PDE3B: variants seen among roughly 807,000 people sequenced by gnomAD.
PDE3B encodes phosphodiesterase 3B.
A neutral mutation model predicts 116.8 loss-of-function variants in PDE3B; 66 were observed. The ratio of observed to expected loss-of-function variants is 0.56; its 90% CI spans 0.46 to 0.69. PDE3B has a LOEUF of 0.69. PDE3B is among the 30% of genes least tolerant of loss of function. The pLI, the probability that PDE3B is intolerant of heterozygous loss-of-function variation, is 0.00. For missense variants in PDE3B, 1,384 were observed against 1,368.1 expected, an observed-to-expected ratio of 1.01 and a Z score of -0.18; for synonymous variants, 595 against 533.6, an observed-to-expected ratio of 1.12 and a Z score of -1.59.
chr11:14,830,456 T>C (rs1480078779), intron 7 of PDE3B, among the ~76,000 whole-genome samples: 1 of 152,108 alleles, frequency 6.6e-6, no homozygotes, highest in African/African-American at 2.4e-5. Context: ...AATATCCACT[T>C]AGCATCCATG....
intron 10 of PDE3B, 104 bp downstream of exon 10, chr11:14,832,937 T>G (rs1590180441): frequency 3.5e-6 from 2 of 577,742 alleles, no homozygotes; most frequent in Non-Finnish European, 6.2e-6. Flanking sequence ...TTAAAACTGC[T>G]TGTTTGAAAT....
At chr11:14,852,121 A>T (rs1847765528) in intron 12 of PDE3B, among the ~76,000 whole-genome samples, 1 of 152,118 alleles carries the variant, frequency 6.6e-6, no homozygotes, top group Non-Finnish European at 1.5e-5. Flanking sequence ...CAGTGACGTG[A>T]TCTTGGCCCA....
chr11:14,764,912 G>A (rs1590125587), intron 1 of PDE3B, among the ~76,000 whole-genome samples: 1 of 150,786 alleles, frequency 6.6e-6, no homozygotes, highest in East Asian at 2.0e-4. Flanking sequence ...TCTGAATAGG[G>A]TTATTTCTTT....
At chr11:14,670,279 C>T (rs1347780994) in intron 1 of PDE3B, among the ~76,000 whole-genome samples, 1 of 152,122 alleles carries the variant, frequency 6.6e-6, no homozygotes, top group Non-Finnish European at 1.5e-5. Flanking sequence ...TAGGTACAGT[C>T]ATAATAGTTT....
chr11:14,852,201 T>C (rs1847766853), intron 12 of PDE3B, among the ~76,000 whole-genome samples: 1 of 152,012 alleles, frequency 6.6e-6, no homozygotes, highest in African/African-American at 2.4e-5. Context: ...GGATTACAGG[T>C]GCCTGCCACC....
chr11:14,878,413 CTA>C, the PDE3B span: 1 of 990,570 alleles, frequency 1.0e-6, no homozygotes, highest in East Asian at 2.6e-5. Context: ...AAAGAGGGAA[CTA>C]TGTTTATTAA....
chr11:14,702,410 C>T (rs780430405), intron 1 of PDE3B, among the ~76,000 whole-genome samples: 1 of 151,716 alleles, frequency 6.6e-6, no homozygotes, highest in Non-Finnish European at 1.5e-5. Context: ...TTAGTTCTTG[C>T]AAAAGCAGAA....
the PDE3B span, chr11:14,892,128 C>T: frequency 6.2e-7 from 1 of 1,611,586 alleles, no homozygotes; most frequent in Non-Finnish European, 8.5e-7. Context: ...GCTGGCGGAC[C>T]CCTAGCGCGA....
chr11:14,762,878 C>T (rs988473796), intron 1 of PDE3B, among the ~76,000 whole-genome samples: 10 of 152,138 alleles, frequency 6.6e-5, no homozygotes, highest in African/African-American at 2.4e-4. Flanking sequence ...TTCCCACTAA[C>T]TGAGATGAGG....
rs144815108 is a variant in PDE3B, at chr11:14,681,402, G to A, written c.978+36349G>A. Reference sequence around the variant, plus strand: ...GGAGGGTCTTTCCTGTGCTGTTCTCGTGATAGTGAATAAGTCTCATGAGAT... The same window carrying A: ...GGAGGGTCTTTCCTGTGCTGTTCTCATGATAGTGAATAAGTCTCATGAGAT... On this transcript the variant is annotated intron_variant, in intron 1 of 15. Transcript: ENST00000282096. Among the ~76,000 whole-genome samples the A allele has an allele frequency of 3.8e-3, 583 of 152,212 alleles. 2 individuals are homozygous for A. Among genetic ancestry groups the A allele is most frequent in the African/African-American group, 0.013 (549 of 41,532 alleles).
intron 1 of PDE3B, among the ~76,000 whole-genome samples, chr11:14,734,468 G>A (rs1444837123): frequency 1.3e-5 from 2 of 152,170 alleles, no homozygotes; most frequent in Non-Finnish European, 2.9e-5. Context: ...CTTTGCAGTA[G>A]TGACACTTTT....
intron 7 of PDE3B, among the ~76,000 whole-genome samples, chr11:14,825,916 A>G (rs1012040045): frequency 2.0e-5 from 3 of 152,168 alleles, no homozygotes; most frequent in African/African-American, 7.2e-5. Flanking sequence ...CATGCCAAAC[A>G]TACTCCTGGA....
Position 14,710,958 on chromosome 11 carries a change from T to C in PDE3B, c.979-60979T>C, listed in dbSNP as rs530087887. On this transcript the variant is annotated intron_variant, in intron 1 of 15. Coordinates refer to ENST00000282096, the MANE Select transcript of PDE3B (RefSeq NM_000922.4). The stretch of plus-strand genomic sequence containing the variant: ...TGCTCAAAGAACTGCCTATATTGCT[T>C]TCTTGCTAACTTGTTAAAGACTAGT... 2.0e-4 allele frequency among the ~76,000 whole-genome samples: 30 copies of C among 152,370 alleles called. No individual in the cohort carries two copies. In the South Asian group the frequency reaches 2.3e-3, roughly 12 times the overall value.
chr11:14,738,492 CT>C (rs1335536035), intron 1 of PDE3B, among the ~76,000 whole-genome samples: 10 of 152,136 alleles, frequency 6.6e-5, no homozygotes, highest in Admixed American at 2.0e-4. Context: ...TGTTTAAGTT[CT>C]TTGTAGATTC....
intron 1 of PDE3B, among the ~76,000 whole-genome samples, chr11:14,672,126 G>C (rs549623412): frequency 1.3e-5 from 2 of 149,522 alleles, no homozygotes; most frequent in Non-Finnish European, 3.0e-5. Flanking sequence ...TTTTAATTAG[G>C]TATACAATTG....
intron 5 of PDE3B, among the ~76,000 whole-genome samples, chr11:14,804,406 G>T (rs1476439195): frequency 6.6e-6 from 1 of 151,488 alleles, no homozygotes; most frequent in Non-Finnish European, 1.5e-5. Context: ...AAAATTTTAG[G>T]ATTAGAATAG....
chr11:14,834,158 C>G (rs1025770002), intron 10 of PDE3B, among the ~76,000 whole-genome samples: 3 of 152,108 alleles, frequency 2.0e-5, no homozygotes, highest in African/African-American at 7.2e-5. Flanking sequence ...TACGCCATGT[C>G]ATATCTATAG....
In PDE3B at chr11:14,657,093, C is replaced by T. The variant is rs1239994503; in HGVS notation, c.978+12040C>T. Among the ~76,000 whole-genome samples the T allele has an allele frequency of 3.3e-5, 5 of 152,116 alleles. No homozygotes were observed. In the East Asian group the frequency reaches 7.7e-4, roughly 23 times the overall value. The stretch of plus-strand genomic sequence containing the variant: ...GAGTTAAAGATTAAGAACCTTTGGT[C>T]TTCCAGAAGAAAAATGTGTCAGCTG... On this transcript the variant is annotated intron_variant, in intron 1 of 15. Coordinates refer to ENST00000282096, the MANE Select transcript of PDE3B (RefSeq NM_000922.4).
intron 2 of PDE3B, among the ~76,000 whole-genome samples, chr11:14,783,292 A>T (rs1297988498): frequency 6.6e-6 from 1 of 152,252 alleles, no homozygotes; most frequent in Non-Finnish European, 1.5e-5. Context: ...TCATGCTGCT[A>T]TAAAGACACA....
Sources: allele counts gnomAD v4.1 joint callset (sites outside exome capture counted in the v4.1 genomes callset), GRCh38; gene constraint gnomAD v4.1.1; transcripts MANE v1.5; gene names NCBI Gene and HGNC (gene_info 2026-07-23, HGNC 2026-07-21).